The following CHST11 variants were observed in gnomAD, a reference collection of about 807,000 sequenced individuals.
CHST11 encodes the protein carbohydrate sulfotransferase 11.
Under a neutral mutation model 30.4 loss-of-function variants are expected in CHST11, and 9 were observed. The ratio of observed to expected loss-of-function variants is 0.30; its 90% CI spans 0.18 to 0.52. The LOEUF (loss-of-function observed/expected upper bound fraction) is 0.52. CHST11 is among the 20% of genes least tolerant of loss of function. The pLI is 0.97. For missense variants in CHST11, 348 were observed against 460.6 expected (o/e 0.76, Z 2.24); for synonymous variants, 152 against 187.8 (o/e 0.81, Z 1.56).
At chr12:104,704,879 C>T (rs1362287545) in intron 2 of CHST11, among the ~76,000 whole-genome samples, 2 of 152,088 alleles carry the variant, frequency 1.3e-5, no homozygotes, top group African/African-American at 2.4e-5. Context: ...CTCAGTACTC[C>T]TCCTGGGGCA....
At chr12:104,709,179 G>A (rs1234757020) in intron 2 of CHST11, among the ~76,000 whole-genome samples, 1 of 152,240 alleles carries the variant, frequency 6.6e-6, no homozygotes, top group Non-Finnish European at 1.5e-5. Flanking sequence ...AAGCAACAGA[G>A]TTAGCCTGCC....
rs1396230324 is a variant in CHST11 at position 104,757,301 on chromosome 12, G to A, written c.557G>A (p.Arg186Gln). ...LKSYMKFLFV[R>Q]EPFERLVSAY... ...AGCTACATGAAGTTCCTGTTTGTCC[G>A]GGAGCCCTTCGAGAGGCTAGTGTCC... Residue 186 changes from arginine (R) to glutamine (Q), a missense_variant, in exon 3 of 3, where the codon CGG becomes CAG. Arg to Gln is a conservative substitution (Grantham distance 43). This residue lies in a region of CHST11 where 210 missense variants were observed against 287.2 expected (regional missense o/e 0.73). Transcript: ENST00000303694. This position sits in a 1 kb window ranked among gnomAD's most constrained non-coding sequence, Gnocchi z 6.5. The A allele has an allele frequency of 3.1e-6, 5 of 1,614,044 alleles. No homozygotes were observed. The highest frequency in any genetic ancestry group is 2.2e-5 in the East Asian group (1 of 44,874).
chr12:104,530,669 C>T (rs936675472), intron 1 of CHST11, among the ~76,000 whole-genome samples: 2 of 152,204 alleles, frequency 1.3e-5, no homozygotes, highest in Non-Finnish European at 2.9e-5. Context: ...GTATTCTTTC[C>T]ACTCACTTTT....
At chr12:104,602,113 C>T (rs2038962232) in intron 2 of CHST11, 122 bp downstream of exon 2, 4 of 690,276 alleles carry the variant, frequency 5.8e-6, no homozygotes, top group East Asian at 2.7e-5. Flanking sequence ...GGCATTTTAC[C>T]TTCAGTGGTT....
chr12:104,488,705 G>C (rs1479550614), intron 1 of CHST11, among the ~76,000 whole-genome samples: 1 of 150,508 alleles, frequency 6.6e-6, no homozygotes, highest in Non-Finnish European at 1.5e-5. Flanking sequence ...GTGTGTGTAT[G>C]TGTGTATGTG....
chr12:104,745,913 A>C (rs1416629220), intron 2 of CHST11, among the ~76,000 whole-genome samples: 1 of 152,064 alleles, frequency 6.6e-6, no homozygotes, highest in Non-Finnish European at 1.5e-5. Context: ...CTTTCTTCCT[A>C]CTCAAATGTC....
chr12:104,558,050 C>T (rs547013274), intron 1 of CHST11, among the ~76,000 whole-genome samples: 2 of 152,132 alleles, frequency 1.3e-5, no homozygotes, highest in African/African-American at 2.4e-5. Context: ...GGACCTTTTC[C>T]AGCCGCAGCA....
At chr12:104,720,569 C>G (rs2040167355) in intron 2 of CHST11, among the ~76,000 whole-genome samples, 1 of 152,222 alleles carries the variant, frequency 6.6e-6, no homozygotes, top group Non-Finnish European at 1.5e-5. Context: ...CCACCCCTGT[C>G]CCCTGAAGAT....
rs574182044 is a variant in CHST11 at position 104,681,932 on chromosome 12, G to A, written c.205-75017G>A. On this transcript the variant is annotated intron_variant, in intron 2 of 2. Transcript: ENST00000303694. ...TGCGAGCTCTGCCTCCCAGGTTCAC[G>A]CCATTCTCCTGCCTCAGCCTCCCGA... Among the ~76,000 whole-genome samples the A allele has an allele frequency of 1.1e-4, 16 of 139,454 alleles. No homozygotes were observed. The South Asian group carries it at 1.7e-3, about 15-fold the overall frequency. 91.5% of individuals were successfully genotyped at this position (139,454 alleles called of 152,430 possible).
At chr12:104,473,158 C>T (rs1019736985) in intron 1 of CHST11, among the ~76,000 whole-genome samples, 1 of 152,106 alleles carries the variant, frequency 6.6e-6, no homozygotes, top group Non-Finnish European at 1.5e-5. Context: ...CTCACTTTCT[C>T]AAAATGAACT....
intron 1 of CHST11, among the ~76,000 whole-genome samples, chr12:104,587,906 T>A (rs1261670006): frequency 2.8e-5 from 4 of 144,128 alleles, no homozygotes; most frequent in Admixed American, 7.0e-5. Context: ...TTAGGTTTTT[T>A]AAAATGCTCT....
chr12:104,753,776 C>T (rs1323671523), intron 2 of CHST11, among the ~76,000 whole-genome samples: 1 of 152,228 alleles, frequency 6.6e-6, no homozygotes, highest in Non-Finnish European at 1.5e-5. Flanking sequence ...CCTCTTTCTA[C>T]AGGCAAGGCA....
chr12:104,489,853 T>C (rs1320599171), intron 1 of CHST11, among the ~76,000 whole-genome samples: 1 of 152,256 alleles, frequency 6.6e-6, no homozygotes, highest in African/African-American at 2.4e-5. Flanking sequence ...GGCAGAGGCC[T>C]GTGGCCTCCA....
intron 2 of CHST11, among the ~76,000 whole-genome samples, chr12:104,714,656 G>A (rs1223625779): frequency 6.6e-6 from 1 of 152,112 alleles, no homozygotes; most frequent in African/African-American, 2.4e-5. Flanking sequence ...GGCACCACAT[G>A]GGAGGCCTTT....
intron 2 of CHST11, among the ~76,000 whole-genome samples, chr12:104,636,302 A>G (rs1269507817): frequency 6.6e-6 from 1 of 152,222 alleles, no homozygotes; most frequent in African/African-American, 2.4e-5. Flanking sequence ...TCAAAGACAC[A>G]TGATGGGACA....
intron 1 of CHST11, among the ~76,000 whole-genome samples, chr12:104,548,757 G>A (rs149464943): frequency 6.3e-4 from 96 of 152,242 alleles, no homozygotes; most frequent in African/African-American, 2.2e-3. Context: ...CATTCCTTAG[G>A]GCAGGGCCCC....
At chr12:104,645,735 G>A (rs2039422338) in intron 2 of CHST11, among the ~76,000 whole-genome samples, 2 of 148,612 alleles carry the variant, frequency 1.3e-5, no homozygotes, top group African/African-American at 5.0e-5. Flanking sequence ...TTATTAAAAG[G>A]AAATTAAACT....
intron 1 of CHST11, among the ~76,000 whole-genome samples, chr12:104,570,836 G>A (rs1005569576): frequency 4.0e-5 from 6 of 151,830 alleles, no homozygotes; most frequent in Non-Finnish European, 8.8e-5. Context: ...GATTACAGGC[G>A]CCTGTCACCA....
chr12:104,520,333 G>C (rs2038063204), intron 1 of CHST11, among the ~76,000 whole-genome samples: 1 of 152,132 alleles, frequency 6.6e-6, no homozygotes. Flanking sequence ...TAAAGGAATG[G>C]ACATGGGTGC....
Sources: gnomAD v4.1 joint callset for allele counts (sites outside exome capture counted in the v4.1 genomes callset) on GRCh38, gnomAD v4.1.1 for gene constraint, gnomAD v4.1.1 regional missense constraint, Gnocchi (gnomAD v3.1) non-coding constraint, MANE v1.5 for transcripts, NCBI Gene and HGNC (gene_info 2026-07-23, HGNC 2026-07-21) for gene names.